The following LRRC7 variants were observed in gnomAD, a reference collection of about 807,000 sequenced individuals.
The protein encoded by LRRC7 is leucine rich repeat containing 7.
LRRC7 carries 23 observed loss-of-function variants against 175.7 expected under a neutral mutation model. That is an observed-to-expected ratio of 0.13 (90% confidence interval 0.09 to 0.19). LRRC7 has a LOEUF of 0.19. Among genes scored for constraint, LRRC7 ranks in the 10% least tolerant of loss-of-function variants. LRRC7 has a pLI of 1.00. For missense variants in LRRC7, 1,354 were observed against 1,904.7 expected (o/e 0.71, Z 5.38); for synonymous variants, 685 against 680.9 (o/e 1.01, Z -0.09).
chr1:69,825,854 G>C, intron 5 of LRRC7, 28 bp downstream of exon 5: 1 of 1,398,910 alleles, frequency 7.1e-7, no homozygotes, highest in Non-Finnish European at 9.9e-7. Context: ...AATTTTATTT[G>C]TATTTATATT....
chr1:69,580,504 C>T (rs1646151848), intron 1 of LRRC7, among the ~76,000 whole-genome samples: 1 of 152,116 alleles, frequency 6.6e-6, no homozygotes. Context: ...AGCTACTGTT[C>T]TTGCACAACT....
chr1:69,921,536 A>G (rs1448268752), intron 7 of LRRC7, among the ~76,000 whole-genome samples: 2 of 152,096 alleles, frequency 1.3e-5, no homozygotes, highest in African/African-American at 2.4e-5. Flanking sequence ...CTGACATCCA[A>G]TCAGTCATCA....
chr1:70,064,805 CT>C (rs1661848700), intron 23 of LRRC7, among the ~76,000 whole-genome samples: 2 of 151,888 alleles, frequency 1.3e-5, no homozygotes, highest in East Asian at 3.9e-4. Flanking sequence ...TTTTCCAAAC[CT>C]TCATGTTCTT....
At chr1:69,575,577 GAATT>G (rs1272890538) in intron 1 of LRRC7, among the ~76,000 whole-genome samples, 1 of 151,974 alleles carries the variant, frequency 6.6e-6, no homozygotes, top group Non-Finnish European at 1.5e-5. Flanking sequence ...AAGAAATGTG[GAATT>G]AATTTTCACT....
chr1:69,751,517 A>C (rs1669845729), intron 2 of LRRC7, among the ~76,000 whole-genome samples: 2 of 152,172 alleles, frequency 1.3e-5, no homozygotes, highest in Admixed American at 1.3e-4. Flanking sequence ...GTACAGAATT[A>C]AGAGAATTAA....
At position 69,724,555 on chromosome 1, in the gene LRRC7, G is replaced by A. The variant is rs989414069; in HGVS notation, c.101-35636G>A. Among the ~76,000 whole-genome samples, 9 of 152,266 alleles carry A rather than the reference G, an allele frequency of 5.9e-5. No individual in the cohort carries two copies. The East Asian group carries it at 1.7e-3, about 29-fold the overall frequency. Reference sequence around the variant, plus strand: ...AATTTATTTTTGAAAAGAAGTTCTTGCTCACAATTTGTAAAGAAGAATAAA... The same window carrying A: ...AATTTATTTTTGAAAAGAAGTTCTTACTCACAATTTGTAAAGAAGAATAAA... On this transcript the variant is annotated intron_variant, in intron 2 of 26. Transcript: ENST00000651989.
intron 7 of LRRC7, chr1:69,879,543 G>A (rs1160488760): frequency 6.6e-6 from 1 of 152,342 alleles, no homozygotes; most frequent in African/African-American, 2.4e-5. Flanking sequence ...TGTGGCCTCG[G>A]TAGGAATGAG....
intron 7 of LRRC7, among the ~76,000 whole-genome samples, chr1:69,844,256 A>G (rs1682082256): frequency 1.3e-5 from 2 of 152,260 alleles, no homozygotes; most frequent in African/African-American, 2.4e-5. Context: ...CATACAGTAC[A>G]GTATTGTTAG....
intron 2 of LRRC7, among the ~76,000 whole-genome samples, chr1:69,721,255 A>G (rs149918007): frequency 7.2e-5 from 11 of 151,996 alleles, no homozygotes; most frequent in Non-Finnish European, 1.3e-4. Flanking sequence ...AGTTTACATT[A>G]GGTTTTACTC....
chr1:69,568,927 G>A (rs1377981605), intron 1 of LRRC7, among the ~76,000 whole-genome samples: 1 of 152,216 alleles, frequency 6.6e-6, no homozygotes, highest in African/African-American at 2.4e-5. Flanking sequence ...ACTGCGAAAA[G>A]GAAAGGTAAA....
intron 1 of LRRC7, among the ~76,000 whole-genome samples, chr1:69,610,431 C>G (rs1183099218): frequency 2.0e-5 from 3 of 151,960 alleles, no homozygotes; most frequent in African/African-American, 7.2e-5. Context: ...AGGCACATGT[C>G]CTTTAGTCTG....
chr1:70,108,411 C>T lies in LRRC7; in HGVS notation c.4620+585C>T, dbSNP rs564224846. Among the ~76,000 whole-genome samples the T allele has an allele frequency of 3.1e-4, 47 of 152,252 alleles. No homozygotes were observed. The South Asian group carries it at 9.5e-3, about 31-fold the overall frequency. On this transcript the variant is annotated intron_variant, in intron 26 of 26. Transcript: ENST00000651989. ...ACCCCAATAAACAATTAAGCAAATA[C>T]TTTACATAAACTCATTTATTTGACT...
At chr1:69,831,655 C>T (rs1278530700) in intron 5 of LRRC7, among the ~76,000 whole-genome samples, 1 of 152,064 alleles carries the variant, frequency 6.6e-6, no homozygotes, top group Non-Finnish European at 1.5e-5. Context: ...TTTCTACTTC[C>T]ATAAATCCTA....
intron 24 of LRRC7, among the ~76,000 whole-genome samples, chr1:70,078,489 C>G (rs1662947498): frequency 6.6e-6 from 1 of 152,108 alleles, no homozygotes; most frequent in South Asian, 2.1e-4. Flanking sequence ...AAACCCCAAC[C>G]AGCTGTTTAT....
At chr1:69,747,055 T>A (rs952688761) in intron 2 of LRRC7, among the ~76,000 whole-genome samples, 2 of 152,144 alleles carry the variant, frequency 1.3e-5, no homozygotes, top group African/African-American at 4.8e-5. Flanking sequence ...AAGGCCTACT[T>A]TTTAGAAGGA....
At chr1:69,984,828 C>G (rs999806453) in intron 9 of LRRC7, among the ~76,000 whole-genome samples, 7 of 152,182 alleles carry the variant, frequency 4.6e-5, no homozygotes, top group African/African-American at 1.7e-4. Flanking sequence ...CCCCATATTA[C>G]AATCCTTTTG....
At chr1:69,886,395 C>T (rs1466421872) in intron 7 of LRRC7, among the ~76,000 whole-genome samples, 1 of 151,058 alleles carries the variant, frequency 6.6e-6, no homozygotes, top group Admixed American at 6.6e-5. Flanking sequence ...CTCTTTTGAT[C>T]TTTGTTGGTT....
chr1:69,718,785 A>G (rs1198296580), intron 2 of LRRC7, among the ~76,000 whole-genome samples: 1 of 151,794 alleles, frequency 6.6e-6, no homozygotes, highest in African/African-American at 2.4e-5. Flanking sequence ...AAAGAAGCCA[A>G]GAGATTCAAA....
intron 1 of LRRC7, among the ~76,000 whole-genome samples, chr1:69,597,253 G>T (rs563813396): frequency 4.6e-5 from 7 of 152,196 alleles, no homozygotes; most frequent in South Asian, 2.1e-4. Flanking sequence ...AAAGACAGGG[G>T]TTAGATAGAC....
Sources: allele counts gnomAD v4.1 joint callset (sites outside exome capture counted in the v4.1 genomes callset), GRCh38; gene constraint gnomAD v4.1.1; transcripts MANE v1.5; gene names NCBI Gene and HGNC (gene_info 2026-07-23, HGNC 2026-07-21).